The following CSMD1 variants were observed in gnomAD, a reference collection of about 807,000 sequenced individuals.
CSMD1 encodes CUB and Sushi multiple domains 1, also known as CUB and sushi domain-containing protein 1.
CSMD1 carries 213 observed loss-of-function variants against 417.5 expected under a neutral mutation model. The observed-to-expected ratio is 0.51, with a 90% CI of 0.46 to 0.57. CSMD1 has a LOEUF of 0.57. CSMD1 is among the 20% of genes least tolerant of loss of function. The pLI is 0.00. For missense variants in CSMD1, 6,923 were observed against 4,529.7 expected, an observed-to-expected ratio of 1.53 and a Z score of -15.17; for synonymous variants, 2,862 against 1,736.8, an observed-to-expected ratio of 1.65 and a Z score of -16.11.
intron 3 of CSMD1, among the ~76,000 whole-genome samples, chr8:4,048,212 C>T (rs1409441985): frequency 1.3e-5 from 2 of 152,110 alleles, no homozygotes; most frequent in South Asian, 2.1e-4. Flanking sequence ...TATTGAATAA[C>T]ATACCGTTCT....
chr8:2,995,302 G>A (rs540034408), intron 54 of CSMD1, among the ~76,000 whole-genome samples: 16 of 152,284 alleles, frequency 1.1e-4, no homozygotes, highest in South Asian at 2.1e-4. Context: ...AGGTACTCAC[G>A]TCGTTAGCCA....
chr8:3,231,449 T>A (rs1010901233), intron 26 of CSMD1, among the ~76,000 whole-genome samples: 12 of 152,156 alleles, frequency 7.9e-5, no homozygotes, highest in African/African-American at 2.9e-4. Flanking sequence ...CTTAAAGTAA[T>A]GAGTAGGCTT....
chr8:3,775,658 C>G (rs530075144), intron 5 of CSMD1, among the ~76,000 whole-genome samples: 1 of 152,144 alleles, frequency 6.6e-6, no homozygotes, highest in Non-Finnish European at 1.5e-5. Flanking sequence ...CATAGATTGT[C>G]GGGGAGAGAG....
At chr8:3,961,151 C>A (rs912704060) in intron 5 of CSMD1, among the ~76,000 whole-genome samples, 1 of 152,158 alleles carries the variant, frequency 6.6e-6, no homozygotes, top group Non-Finnish European at 1.5e-5. Flanking sequence ...ATAATAGTCT[C>A]TGTATTTCAC....
At chr8:4,233,799 G>A (rs1441407429) in intron 3 of CSMD1, among the ~76,000 whole-genome samples, 1 of 152,038 alleles carries the variant, frequency 6.6e-6, no homozygotes, top group Non-Finnish European at 1.5e-5. Context: ...GTATCTTTAG[G>A]ATATTTCATG....
intron 3 of CSMD1, among the ~76,000 whole-genome samples, chr8:4,371,036 C>A (rs1802363834): frequency 6.6e-6 from 1 of 152,208 alleles, no homozygotes; most frequent in Non-Finnish European, 1.5e-5. Context: ...GTGGTTCATT[C>A]TCTTTTGTGA....
chr8:3,372,381 G>C (rs1267449560), intron 18 of CSMD1, among the ~76,000 whole-genome samples: 1 of 152,118 alleles, frequency 6.6e-6, no homozygotes, highest in African/African-American at 2.4e-5. Flanking sequence ...GGATGGCCCT[G>C]CCTAGAAAAC....
chr8:3,956,316 A>T (rs1811941837), intron 5 of CSMD1, among the ~76,000 whole-genome samples: 1 of 152,184 alleles, frequency 6.6e-6, no homozygotes, highest in Non-Finnish European at 1.5e-5. Flanking sequence ...CCCCATCTCA[A>T]GATGGGGAAA....
chr8:3,079,756 C>T (rs766642714), intron 49 of CSMD1, among the ~76,000 whole-genome samples: 2 of 151,920 alleles, frequency 1.3e-5, no homozygotes, highest in African/African-American at 2.4e-5. Context: ...GAAATGGCTT[C>T]GATTTTGGAA....
intron 3 of CSMD1, among the ~76,000 whole-genome samples, chr8:4,062,689 T>C (rs960136418): frequency 9.2e-5 from 14 of 151,656 alleles, no homozygotes; most frequent in Non-Finnish European, 1.9e-4. Flanking sequence ...AGACCCATGA[T>C]GGCAAAGCCA....
At chr8:4,957,761 C>G (rs749620118) in intron 1 of CSMD1, among the ~76,000 whole-genome samples, 6 of 152,118 alleles carry the variant, frequency 3.9e-5, no homozygotes. Flanking sequence ...ACTCACCATG[C>G]TTAATTTAAA....
chr8:3,072,406 C>G (rs1486220803), intron 49 of CSMD1, among the ~76,000 whole-genome samples: 2 of 152,150 alleles, frequency 1.3e-5, no homozygotes, highest in African/African-American at 4.8e-5. Context: ...GAACAAGCTT[C>G]AGAATTTTTT....
chr8:3,833,729 G>A (rs1296839121), intron 5 of CSMD1, among the ~76,000 whole-genome samples: 1 of 151,922 alleles, frequency 6.6e-6, no homozygotes, highest in Non-Finnish European at 1.5e-5. Flanking sequence ...GGTCTATGTT[G>A]GCACTTACAT....
At chr8:3,600,433 A>G (rs893959917) in intron 8 of CSMD1, among the ~76,000 whole-genome samples, 4 of 152,190 alleles carry the variant, frequency 2.6e-5, no homozygotes, top group African/African-American at 9.7e-5. Flanking sequence ...AGGTCTCTAA[A>G]CCAGCAGTTC....
intron 1 of CSMD1, among the ~76,000 whole-genome samples, chr8:4,929,597 G>A (rs1807101625): frequency 6.6e-6 from 1 of 152,110 alleles, no homozygotes; most frequent in African/African-American, 2.4e-5. Context: ...CAGTCCATTT[G>A]TCTACAAATG....
intron 30 of CSMD1, among the ~76,000 whole-genome samples, chr8:3,206,377 C>CTG (rs1178195198): frequency 1.1e-5 from 1 of 87,240 alleles, no homozygotes; most frequent in African/African-American, 4.7e-5. Context: ...GGGGGTATGT[C>CTG]TGTGTGTGTG....
intron 3 of CSMD1, among the ~76,000 whole-genome samples, chr8:4,388,193 C>A (rs1426039418): frequency 6.6e-6 from 1 of 152,048 alleles, no homozygotes; most frequent in African/African-American, 2.4e-5. Flanking sequence ...GAAAAGAAGT[C>A]ATTATACGAA....
chr8:3,001,354 T>C (rs1171081854), intron 52 of CSMD1, among the ~76,000 whole-genome samples: 1 of 152,108 alleles, frequency 6.6e-6, no homozygotes, highest in Non-Finnish European at 1.5e-5. Context: ...TTTCCTTCTT[T>C]CCTTTCCTCC....
intron 5 of CSMD1, among the ~76,000 whole-genome samples, chr8:3,803,624 C>T (rs143676750): frequency 1.3e-5 from 2 of 152,136 alleles, no homozygotes; most frequent in African/African-American, 2.4e-5. Flanking sequence ...GGACTCAGAA[C>T]ATTTGAGCCT....
Sources: allele counts gnomAD v4.1 joint callset (sites outside exome capture counted in the v4.1 genomes callset), GRCh38; gene constraint gnomAD v4.1.1; transcripts MANE v1.5; gene names NCBI Gene and HGNC (gene_info 2026-07-23, HGNC 2026-07-21).